The following TANGO6 variants were observed in gnomAD, a reference collection of about 807,000 sequenced individuals.
The protein encoded by TANGO6 is transport and Golgi organization protein 6 homolog.
Under a neutral mutation model 114.2 loss-of-function variants are expected in TANGO6, and 90 were observed. The observed-to-expected ratio is 0.79, with a 90% CI of 0.66 to 0.94. The LOEUF (loss-of-function observed/expected upper bound fraction) is 0.94. Ranked by LOEUF, TANGO6 falls within the 40% of genes least tolerant of loss-of-function variation. TANGO6 has a pLI of 0.00. For synonymous variants in TANGO6, 477 were observed against 509.8 expected (o/e 0.94, Z 0.87); for missense variants, 1,274 against 1,315.3 (o/e 0.97, Z 0.49).
intron 13 of TANGO6, among the ~76,000 whole-genome samples, chr16:68,928,910 T>C: frequency 6.6e-6 from 1 of 152,132 alleles, no homozygotes; most frequent in African/African-American, 2.4e-5. Flanking sequence ...AATAGCTGTT[T>C]TTTGTTTTGT....
At chr16:68,990,068 C>T (rs943911265) in intron 15 of TANGO6, among the ~76,000 whole-genome samples, 1 of 152,130 alleles carries the variant, frequency 6.6e-6, no homozygotes, top group Non-Finnish European at 1.5e-5. Flanking sequence ...GACTCTTGCT[C>T]TGTCACTCAG....
At chr16:68,980,067 C>G (rs536395406) in intron 15 of TANGO6, among the ~76,000 whole-genome samples, 1 of 151,814 alleles carries the variant, frequency 6.6e-6, no homozygotes, top group East Asian at 1.9e-4. Context: ...AGGCTGGTCT[C>G]GAACTCCTGA....
In TANGO6 at chr16:69,083,658, G is replaced by A. The variant is rs947615042; in HGVS notation, c.3282G>A (p.Pro1094=). 5.8e-6 allele frequency: 9 copies of A among 1,556,590 alleles called. No individual in the cohort carries two copies. Among genetic ancestry groups the A allele is most frequent in the South Asian group, 3.6e-5 (3 of 84,334 alleles). The stretch of plus-strand genomic sequence containing the variant: ...TGGAGAAGAAGATCATGGTCCTGCC[G>A]TAGACCTGGCTCCAAGGACGTGGAG... ...QKLEKKIMVL[P] is the part of the protein sequence containing the mutation. Residue 1094 remains proline (P), a synonymous_variant, in exon 18 of 18, where the codon CCG becomes CCA. Transcript: ENST00000261778.
At chr16:69,029,157 A>G (rs967301286) in intron 16 of TANGO6, among the ~76,000 whole-genome samples, 7 of 152,224 alleles carry the variant, frequency 4.6e-5, no homozygotes, top group African/African-American at 1.7e-4. Context: ...GATTAGAAAG[A>G]TTGAGCTAAA....
chr16:68,912,288 A>G (rs1323250893), intron 11 of TANGO6, among the ~76,000 whole-genome samples: 1 of 152,140 alleles, frequency 6.6e-6, no homozygotes, highest in Admixed American at 6.5e-5. Context: ...GCCTGAGCCC[A>G]CGAGTTCGAG....
Position 69,083,586 on chromosome 16 carries a change from AGAGCTGGAT to A in TANGO6, c.3213_3221del (p.Glu1071_Asp1073del). 6.2e-7 allele frequency: 1 copy of A among 1,601,894 alleles called. No homozygotes were observed. Among genetic ancestry groups the A allele is most frequent in the Non-Finnish European group, 8.5e-7 (1 of 1,174,226 alleles). ...AGCTCCATGCCCAGTTGGCCCTAGA[AGAGCTGGAT>A]GACATCATGAAAAACTTCCTGTTCC... On this transcript the variant is annotated inframe_deletion, in exon 18 of 18. Coordinates refer to ENST00000261778, the MANE Select transcript of TANGO6 (RefSeq NM_024562.2).
At chr16:69,041,377 C>T (rs1468520727) in intron 17 of TANGO6, among the ~76,000 whole-genome samples, 6 of 150,738 alleles carry the variant, frequency 4.0e-5, no homozygotes, top group Non-Finnish European at 5.9e-5. Context: ...ACCCGGGAGG[C>T]GGAGGTTGCA....
intron 15 of TANGO6, among the ~76,000 whole-genome samples, chr16:68,979,256 G>T (rs548734385): frequency 6.6e-6 from 1 of 151,812 alleles, no homozygotes; most frequent in South Asian, 2.1e-4. Flanking sequence ...TTGAGACGGA[G>T]TCTTGCTCTG....
chr16:68,977,296 A>C (rs1440552050), intron 15 of TANGO6, among the ~76,000 whole-genome samples: 1 of 151,256 alleles, frequency 6.6e-6, no homozygotes, highest in East Asian at 1.9e-4. Context: ...TTGAGAGTGA[A>C]ATTTATTTTG....
At chr16:68,936,740 A>G (rs1963302622) in intron 14 of TANGO6, among the ~76,000 whole-genome samples, 1 of 152,128 alleles carries the variant, frequency 6.6e-6, no homozygotes, top group African/African-American at 2.4e-5. Context: ...TTGGGGATCC[A>G]AGTGGTCCCT....
chr16:68,996,573 A>G (rs1336639393), intron 15 of TANGO6, among the ~76,000 whole-genome samples: 1 of 152,194 alleles, frequency 6.6e-6, no homozygotes, highest in Non-Finnish European at 1.5e-5. Context: ...TGGATCAACA[A>G]GATGTTTCTG....
intron 17 of TANGO6, among the ~76,000 whole-genome samples, chr16:69,067,937 CAAAAAAAAAAAA>C (rs1217551130): frequency 1.5e-5 from 1 of 66,566 alleles, no homozygotes; most frequent in Non-Finnish European, 3.0e-5. Flanking sequence ...AACTCTGTCT[CAAAAAAAAAAAA>C]AAAAAAAGAA....
At chr16:68,978,995 G>T (rs1280737444) in intron 15 of TANGO6, among the ~76,000 whole-genome samples, 2 of 150,564 alleles carry the variant, frequency 1.3e-5, no homozygotes, top group Admixed American at 1.3e-4. Flanking sequence ...TGCGATCATG[G>T]CTTACTGCAT....
At chr16:68,857,411 A>G (rs1325178247) in intron 1 of TANGO6, among the ~76,000 whole-genome samples, 1 of 152,088 alleles carries the variant, frequency 6.6e-6, no homozygotes, top group African/African-American at 2.4e-5. Context: ...CTTTCTAAAA[A>G]AAAATCCTTT....
intron 17 of TANGO6, among the ~76,000 whole-genome samples, chr16:69,051,029 T>TC (rs899393775): frequency 1.3e-5 from 2 of 151,436 alleles, no homozygotes; most frequent in Non-Finnish European, 2.9e-5. Flanking sequence ...TAATTTTTAT[T>TC]CCCCCCAAAT....
chr16:68,880,259 A>G (rs1463505961), intron 6 of TANGO6, among the ~76,000 whole-genome samples: 1 of 152,206 alleles, frequency 6.6e-6, no homozygotes, highest in Non-Finnish European at 1.5e-5. Context: ...GTTGTGAGCC[A>G]CCACACCTGG....
intron 16 of TANGO6, among the ~76,000 whole-genome samples, chr16:69,038,857 A>G (rs1361672879): frequency 1.3e-5 from 2 of 152,100 alleles, no homozygotes; most frequent in African/African-American, 4.8e-5. Flanking sequence ...AACCTGGCCA[A>G]CATAGCGAAA....
At position 68,907,537 on chromosome 16, in the gene TANGO6, T is replaced by A; in HGVS notation, c.1762T>A (p.Cys588Ser). The A allele has an allele frequency of 6.2e-7, 1 of 1,613,738 alleles. No individual in the cohort carries two copies. The highest frequency in any genetic ancestry group is 8.5e-7 in the Non-Finnish European group (1 of 1,179,798). The change falls in exon 10 of 18, where the codon TGC becomes AGC. Residue 588 changes from cysteine to serine, a missense_variant. Transcript: ENST00000261778. Reference sequence around the variant, plus strand: ...GGACTTGCTGTCCCACTGCCAGGAATGCGGTTTGGCAGGAGACTTCTTCAT... The same window carrying A: ...GGACTTGCTGTCCCACTGCCAGGAAAGCGGTTTGGCAGGAGACTTCTTCAT... ...LGDLLSHCQECGLAGDFFIFC... is the reference protein window; with the variant it reads ...LGDLLSHCQESGLAGDFFIFC...
chr16:68,886,116 A>G (rs1271317614), intron 7 of TANGO6, among the ~76,000 whole-genome samples: 5 of 151,860 alleles, frequency 3.3e-5, no homozygotes, highest in Non-Finnish European at 7.4e-5. Flanking sequence ...TGTCATTTTG[A>G]TTTATGTTTC....
Sources: allele counts gnomAD v4.1 joint callset (sites outside exome capture counted in the v4.1 genomes callset), GRCh38; gene constraint gnomAD v4.1.1; transcripts MANE v1.5; gene names NCBI Gene and HGNC (gene_info 2026-07-23, HGNC 2026-07-21).